The following CTNNA2 variants were observed in gnomAD, a reference collection of about 807,000 sequenced individuals.
CTNNA2 encodes the protein catenin alpha 2.
A neutral mutation model predicts 101.0 loss-of-function variants in CTNNA2; 42 were observed. The observed-to-expected ratio is 0.42, with a 90% CI of 0.32 to 0.54. The LOEUF (loss-of-function observed/expected upper bound fraction) is 0.54. Among genes scored for constraint, CTNNA2 ranks in the 20% least tolerant of loss-of-function variants. The pLI is 0.14. For missense variants in CTNNA2, 871 were observed against 1,223.1 expected, an observed-to-expected ratio of 0.71 and a Z score of 4.29; for synonymous variants, 450 against 456.4, an observed-to-expected ratio of 0.99 and a Z score of 0.18.
At chr2:80,422,699 T>A (rs1266562319) in intron 9 of CTNNA2, among the ~76,000 whole-genome samples, 1 of 152,194 alleles carries the variant, frequency 6.6e-6, no homozygotes, top group Non-Finnish European at 1.5e-5. Context: ...GTTGAGATGA[T>A]TTTCTCGTCT....
chr2:80,092,516 A>G (rs1001813228), intron 7 of CTNNA2, among the ~76,000 whole-genome samples: 52 of 152,116 alleles, frequency 3.4e-4, no homozygotes, highest in African/African-American at 1.2e-3. Flanking sequence ...TAGGGTAAGA[A>G]ACTGGCAAGG....
At chr2:80,007,343 T>G (rs1259466137) in intron 7 of CTNNA2, among the ~76,000 whole-genome samples, 1 of 152,210 alleles carries the variant, frequency 6.6e-6, no homozygotes. Context: ...CAAAACTTTA[T>G]TACTACTCTA....
intron 3 of CTNNA2, among the ~76,000 whole-genome samples, chr2:79,748,218 C>T (rs1671771667): frequency 6.6e-6 from 1 of 152,026 alleles, no homozygotes; most frequent in African/African-American, 2.4e-5. Flanking sequence ...CCAATGAGAG[C>T]CTGCATTGAT....
At chr2:80,334,354 CA>C (rs1185211975) in intron 7 of CTNNA2, among the ~76,000 whole-genome samples, 2 of 152,310 alleles carry the variant, frequency 1.3e-5, no homozygotes, top group East Asian at 3.9e-4. Flanking sequence ...AGACCTTGAA[CA>C]ATCAGCTTTT....
At chr2:79,193,162 C>A (rs1464403971) in intron 1 of CTNNA2, among the ~76,000 whole-genome samples, 2 of 151,860 alleles carry the variant, frequency 1.3e-5, no homozygotes, top group African/African-American at 4.8e-5. Context: ...GAGATTTATC[C>A]ACATGTATGA....
At chr2:79,362,190 A>G (rs1677646339) in intron 3 of CTNNA2, among the ~76,000 whole-genome samples, 1 of 152,192 alleles carries the variant, frequency 6.6e-6, no homozygotes, top group African/African-American at 2.4e-5. Flanking sequence ...AATAGAACCC[A>G]TGGTCTTGCC....
intron 3 of CTNNA2, among the ~76,000 whole-genome samples, chr2:79,781,552 T>C (rs1043788201): frequency 6.6e-6 from 1 of 152,204 alleles, no homozygotes; most frequent in African/African-American, 2.4e-5. Context: ...CAAGACATGC[T>C]CTTATGAGAT....
At chr2:79,689,567 A>AT (rs1558840898) in intron 2 of CTNNA2, among the ~76,000 whole-genome samples, 1 of 152,078 alleles carries the variant, frequency 6.6e-6, no homozygotes, top group Non-Finnish European at 1.5e-5. Flanking sequence ...TACACAGTGT[A>AT]TGACATTAAA....
chr2:80,109,162 T>C (rs1038679812), intron 7 of CTNNA2, among the ~76,000 whole-genome samples: 4 of 152,304 alleles, frequency 2.6e-5, no homozygotes, highest in Middle Eastern at 3.4e-3. Flanking sequence ...AAATAAGCTA[T>C]AAGAACAAAC....
intron 4 of CTNNA2, among the ~76,000 whole-genome samples, chr2:79,498,537 G>A (rs1360730347): frequency 1.3e-5 from 2 of 152,072 alleles, no homozygotes; most frequent in East Asian, 3.9e-4. Flanking sequence ...TCTGTTTGCT[G>A]TCCATTCCTT....
At chr2:80,254,919 C>T (rs1418532377) in intron 7 of CTNNA2, among the ~76,000 whole-genome samples, 1 of 152,034 alleles carries the variant, frequency 6.6e-6, no homozygotes, top group Non-Finnish European at 1.5e-5. Context: ...GTACTGGGTG[C>T]TCTCACTCTC....
chr2:80,388,631 G>T, intron 7 of CTNNA2, among the ~76,000 whole-genome samples: 1 of 152,312 alleles, frequency 6.6e-6, no homozygotes, highest in South Asian at 2.1e-4. Context: ...GTGGTTATTG[G>T]CAGAGAGTGG....
At chr2:79,520,864 T>C (rs572471283) in intron 1 of CTNNA2, among the ~76,000 whole-genome samples, 1 of 152,134 alleles carries the variant, frequency 6.6e-6, no homozygotes, top group South Asian at 2.1e-4. Context: ...GTGATACTCA[T>C]ACATTGCTGG....
intron 4 of CTNNA2, among the ~76,000 whole-genome samples, chr2:79,500,267 T>C (rs1424402944): frequency 6.6e-6 from 1 of 152,216 alleles, no homozygotes; most frequent in East Asian, 1.9e-4. Flanking sequence ...TCATAGCTTT[T>C]TTCAACATCT....
At position 80,176,711 on chromosome 2, in the gene CTNNA2, G is replaced by GCATA. The variant is rs1705418850; in HGVS notation, c.1057-216498_1057-216495dup. Among the ~76,000 whole-genome samples, 2 of 152,134 alleles carry GCATA rather than the reference G, an allele frequency of 1.3e-5. 1 individual carries two copies. The highest frequency in any genetic ancestry group is 4.1e-4 in the South Asian group (2 of 4,820). Reference sequence around the variant, plus strand: ...CCCTAAGGGATCTCCTATATTCCATGCATACTCTTCTTTACCTCCACTGTG... The same window carrying GCATA: ...CCCTAAGGGATCTCCTATATTCCATGCATACATACTCTTCTTTACCTCCACTGTG... On this transcript the variant is annotated intron_variant, in intron 7 of 18. Coordinates refer to ENST00000402739, the MANE Select transcript of CTNNA2 (RefSeq NM_001282597.3).
intron 17 of CTNNA2, among the ~76,000 whole-genome samples, chr2:80,609,401 C>A (rs1362369253): frequency 6.6e-6 from 1 of 151,756 alleles, no homozygotes; most frequent in Non-Finnish European, 1.5e-5. Context: ...GAGACACCAT[C>A]TGGAAAGCCT....
At chr2:79,892,843 A>G (rs1574246550) in intron 6 of CTNNA2, among the ~76,000 whole-genome samples, 1 of 152,336 alleles carries the variant, frequency 6.6e-6, no homozygotes, top group South Asian at 2.1e-4. Context: ...TTGTCTTTGC[A>G]GGACATTATT....
intron 1 of CTNNA2, among the ~76,000 whole-genome samples, chr2:79,550,881 C>G (rs1674058069): frequency 6.6e-6 from 1 of 152,190 alleles, no homozygotes; most frequent in Non-Finnish European, 1.5e-5. Context: ...CCTCCAAGGA[C>G]TGCTGTGCCC....
At chr2:79,915,537 G>T (rs923270289) in intron 7 of CTNNA2, among the ~76,000 whole-genome samples, 2 of 152,144 alleles carry the variant, frequency 1.3e-5, no homozygotes, top group African/African-American at 4.8e-5. Context: ...TTTTAGGGAA[G>T]AGCCTTGGAA....
Sources: allele counts gnomAD v4.1 joint callset (sites outside exome capture counted in the v4.1 genomes callset), GRCh38; gene constraint gnomAD v4.1.1; transcripts MANE v1.5; gene names NCBI Gene and HGNC (gene_info 2026-07-23, HGNC 2026-07-21).